PTPN4: variants seen among roughly 807,000 people sequenced by gnomAD.
PTPN4 encodes tyrosine-protein phosphatase non-receptor type 4.
A neutral mutation model predicts 135.5 loss-of-function variants in PTPN4; 49 were observed. The ratio of observed to expected loss-of-function variants is 0.36; its 90% CI spans 0.29 to 0.46. The LOEUF is 0.46. Ranked by LOEUF, PTPN4 falls within the 20% of genes least tolerant of loss-of-function variation. The probability of loss-of-function intolerance (pLI) is 1.00; values close to 1 mark genes in which losing one functional copy is unlikely to be tolerated. For missense variants in PTPN4, 860 were observed against 1,101.0 expected (o/e 0.78, Z 3.10); for synonymous variants, 333 against 369.9 (o/e 0.90, Z 1.14).
At position 119,794,522 on chromosome 2, in the gene PTPN4, G is replaced by A. The variant is rs541069799; in HGVS notation, c.-17-15315G>A. Among the ~76,000 whole-genome samples, 41 of 152,342 alleles carry A rather than the reference G, an allele frequency of 2.7e-4. No homozygotes were observed. In the South Asian group the frequency reaches 8.3e-3, roughly 31 times the overall value. On this transcript the variant is annotated intron_variant, in intron 1 of 26. Transcript: ENST00000263708. ...ATGGGTGCTGGCTCTGTGCAAGGCT[G>A]TTGCTGGATCAAGCATACCATAAGC...
intron 2 of PTPN4, among the ~76,000 whole-genome samples, chr2:119,816,032 C>T (rs548657618): frequency 6.6e-6 from 1 of 152,292 alleles, no homozygotes; most frequent in South Asian, 2.1e-4. Context: ...AACAGGCATA[C>T]ATCCTGAGAA....
In PTPN4 at chr2:119,877,490, A is replaced by C; in HGVS notation, c.316A>C (p.Arg106=). 1.2e-6 allele frequency: 2 copies of C among 1,610,876 alleles called. No individual in the cohort carries two copies. The highest frequency in any genetic ancestry group is 1.7e-6 in the Non-Finnish European group (2 of 1,178,966). Residue 106 remains arginine, a synonymous_variant, in exon 5 of 27, where the codon AGA becomes CGA. Coordinates refer to ENST00000263708, the MANE Select transcript of PTPN4 (RefSeq NM_002830.4). Reference sequence around the variant, plus strand: ...AGGATCTCCTTACAGTTTGAACTTTAGAGTCAAATTTTTTGTAAGTGACCC... The same window carrying C: ...AGGATCTCCTTACAGTTTGAACTTTCGAGTCAAATTTTTTGTAAGTGACCC... ...KRGSPYSLNF[R]VKFFVSDPNK...
intron 2 of PTPN4, among the ~76,000 whole-genome samples, chr2:119,849,377 C>T (rs28728444): frequency 0.29 from 44,517 of 152,062 alleles, 6,719 homozygotes; most frequent in African/African-American, 0.36. Flanking sequence ...TCATGGTTCA[C>T]TGCAGCCTCA....
rs1574339923 is a variant in PTPN4, at chr2:119,798,958, G to A, written c.-17-10879G>A. Among the ~76,000 whole-genome samples the A allele has an allele frequency of 2.6e-5, 4 of 152,156 alleles. No individual in the cohort carries two copies. The South Asian group carries it at 6.2e-4, about 24-fold the overall frequency. On this transcript the variant is annotated intron_variant, in intron 1 of 26. Transcript: ENST00000263708. ...GTGGAAAATATACTGTTGATATATCGTTATGATTGCTTTATCGAATGTATT... is the reference window on the plus strand; with the variant it reads ...GTGGAAAATATACTGTTGATATATCATTATGATTGCTTTATCGAATGTATT...
intron 2 of PTPN4, among the ~76,000 whole-genome samples, chr2:119,842,811 C>T (rs1644649732): frequency 6.6e-6 from 1 of 152,102 alleles, no homozygotes; most frequent in Admixed American, 6.5e-5. Context: ...ACATTGGTAC[C>T]ATCTACAGAT....
At chr2:119,903,572 C>T (rs973165183) in intron 10 of PTPN4, among the ~76,000 whole-genome samples, 13 of 151,758 alleles carry the variant, frequency 8.6e-5, no homozygotes, top group South Asian at 2.1e-4. Context: ...CACACACACA[C>T]ACACACACAC....
At chr2:119,812,354 T>C (rs1304298528) in intron 2 of PTPN4, among the ~76,000 whole-genome samples, 1 of 152,226 alleles carries the variant, frequency 6.6e-6, no homozygotes, top group Non-Finnish European at 1.5e-5. Flanking sequence ...GAAGGAGAAC[T>C]ACTCAGTTTC....
chr2:119,921,732 T>G (rs866910796), intron 12 of PTPN4, among the ~76,000 whole-genome samples: 24 of 151,628 alleles, frequency 1.6e-4, no homozygotes, highest in African/African-American at 5.6e-4. Flanking sequence ...ATAATGAAAG[T>G]CAAGGAAAAA....
intron 1 of PTPN4, among the ~76,000 whole-genome samples, chr2:119,766,601 T>C (rs1690635893): frequency 6.6e-6 from 1 of 151,960 alleles, no homozygotes; most frequent in Non-Finnish European, 1.5e-5. Flanking sequence ...TCAGGAACAA[T>C]TTAGAGGTAT....
chr2:119,877,482 T>G lies in PTPN4; in HGVS notation c.308T>G (p.Leu103Trp), dbSNP rs1335673424. Reference sequence around the variant, plus strand: ...ATTCTAGGAGGATCTCCTTACAGTTTGAACTTTAGAGTCAAATTTTTTGTA... The same window carrying G: ...ATTCTAGGAGGATCTCCTTACAGTTGGAACTTTAGAGTCAAATTTTTTGTA... ...KQLKRGSPYSLNFRVKFFVSD... is the reference protein window; with the variant it reads ...KQLKRGSPYSWNFRVKFFVSD... The change falls in exon 5 of 27, where the codon TTG (leucine) becomes TGG (tryptophan). Residue 103 changes from leucine (L) to tryptophan (W), a missense_variant. Coordinates refer to ENST00000263708, the MANE Select transcript of PTPN4 (RefSeq NM_002830.4). 2.5e-6 allele frequency: 4 copies of G among 1,611,026 alleles called. No homozygotes were observed. The highest frequency in any genetic ancestry group is 3.4e-6 in the Non-Finnish European group (4 of 1,178,948).
chr2:119,807,371 G>A (rs1045788930), intron 1 of PTPN4, among the ~76,000 whole-genome samples: 5 of 152,092 alleles, frequency 3.3e-5, no homozygotes, highest in Middle Eastern at 3.4e-3. Flanking sequence ...TCGAATAGAC[G>A]CAATAAAAAA....
intron 1 of PTPN4, among the ~76,000 whole-genome samples, chr2:119,803,682 GGTT>G (rs1351294842): frequency 6.6e-6 from 1 of 152,050 alleles, no homozygotes; most frequent in Non-Finnish European, 1.5e-5. Context: ...AGATCCTATT[GGTT>G]GTTAAGTTCT....
chr2:119,956,525 C>T (rs1679288636), intron 20 of PTPN4, among the ~76,000 whole-genome samples: 1 of 152,268 alleles, frequency 6.6e-6, no homozygotes, highest in African/African-American at 2.4e-5. Context: ...AGACTGTAAA[C>T]ACCTCCAAAC....
chr2:119,911,083 C>T (rs1678564498), intron 10 of PTPN4, among the ~76,000 whole-genome samples: 1 of 152,048 alleles, frequency 6.6e-6, no homozygotes, highest in Admixed American at 6.6e-5. Context: ...GTTGTGAATT[C>T]TATCGAACAT....
chr2:119,819,772 A>G (rs945182590), intron 2 of PTPN4, among the ~76,000 whole-genome samples: 2 of 152,248 alleles, frequency 1.3e-5, no homozygotes, highest in Non-Finnish European at 2.9e-5. Context: ...TTACATATCT[A>G]GCATCTTAAA....
chr2:119,825,389 G>T (rs1378573127), intron 2 of PTPN4, among the ~76,000 whole-genome samples: 1 of 152,034 alleles, frequency 6.6e-6, no homozygotes, highest in African/African-American at 2.4e-5. Context: ...TAACAATGTG[G>T]TGGGGCAGTT....
In PTPN4 at chr2:119,788,365, C is replaced by T. The variant is rs535357083; in HGVS notation, c.-17-21472C>T. On this transcript the variant is annotated intron_variant, in intron 1 of 26. Transcript: ENST00000263708. ...ATTAACTGCCTGACACACCTCTAAA[C>T]ATTTGATTACAGAAACTTAGATCAC... is the stretch of plus-strand genomic sequence containing the variant. Among the ~76,000 whole-genome samples the T allele has an allele frequency of 3.3e-5, 5 of 152,238 alleles. No homozygotes were observed. In the South Asian group the frequency reaches 8.3e-4, roughly 25 times the overall value.
chr2:119,966,167 G>A (rs1363642616), intron 25 of PTPN4, among the ~76,000 whole-genome samples: 1 of 152,126 alleles, frequency 6.6e-6, no homozygotes, highest in Non-Finnish European at 1.5e-5. Context: ...CATGCTAGAA[G>A]GGACAGAAGG....
intron 23 of PTPN4, among the ~76,000 whole-genome samples, chr2:119,961,278 CAGTT>C (rs1408412274): frequency 6.6e-6 from 1 of 152,092 alleles, no homozygotes; most frequent in Non-Finnish European, 1.5e-5. Flanking sequence ...TCTGAATAGA[CAGTT>C]CTCCAAAGAA....
Sources: gnomAD v4.1 joint callset for allele counts (sites outside exome capture counted in the v4.1 genomes callset) on GRCh38, gnomAD v4.1.1 for gene constraint, MANE v1.5 for transcripts, NCBI Gene and HGNC (gene_info 2026-07-23, HGNC 2026-07-21) for gene names.